Variants in CP observed in about 807,000 individuals in gnomAD.
The protein encoded by CP is ceruloplasmin.
CP carries 64 observed loss-of-function variants against 122.4 expected under a neutral mutation model. The ratio of observed to expected loss-of-function variants is 0.52; its 90% confidence interval spans 0.43 to 0.64. CP has a LOEUF of 0.64. Ranked by LOEUF, CP falls within the 30% of genes least tolerant of loss-of-function variation. CP has a pLI of 0.00. For synonymous variants in CP, 440 were observed against 436.4 expected (o/e 1.01, Z -0.10); for missense variants, 1,167 against 1,284.4 (o/e 0.91, Z 1.40).
chr3:149,221,167 A>T (rs571468461), intron 1 of CP, among the ~76,000 whole-genome samples: 5 of 152,330 alleles, frequency 3.3e-5, no homozygotes, highest in African/African-American at 9.6e-5. Flanking sequence ...GCTGTGAAAG[A>T]TTAACCTACT....
intron 11 of CP, chr3:149,186,142 A>G: frequency 3.3e-6 from 1 of 300,014 alleles, no homozygotes; most frequent in Non-Finnish European, 6.4e-6. Context: ...ACAAGCCAAC[A>G]CTACATCTAG....
chr3:149,201,675 C>T (rs924527957), intron 7 of CP, among the ~76,000 whole-genome samples: 1 of 152,134 alleles, frequency 6.6e-6, no homozygotes, highest in African/African-American at 2.4e-5. Flanking sequence ...ACTGCAACCT[C>T]CGCCTCCCGG....
At chr3:149,212,843 T>G (rs923972547) in intron 1 of CP, 145 bp from the exon 2 acceptor site, 32 of 958,756 alleles carry the variant, frequency 3.3e-5, no homozygotes, top group Non-Finnish European at 4.4e-5. Context: ...CCTCCAAAAT[T>G]GAAGTGGAGG....
chr3:149,188,152 A>C lies in CP; in HGVS notation c.1764T>G (p.Asn588Lys), dbSNP rs1726297019. Residue 588 changes from asparagine (N) to lysine (K), a missense_variant, in exon 10 of 19, where the codon AAT (asparagine) becomes AAG (lysine). Asn to Lys is a moderately conservative substitution (Grantham distance 94, BLOSUM62 0). Coordinates refer to ENST00000264613, the MANE Select transcript of CP (RefSeq NM_000096.4). ...FYLFPTVFDE[N>K]ESLLLEDNIR... Reference sequence around the variant, plus strand: ...TATTATCTTCCAGGAGTAAACTCTCATTCTCATCAAATACTGTAGGAAACA... The same window carrying C: ...TATTATCTTCCAGGAGTAAACTCTCCTTCTCATCAAATACTGTAGGAAACA... 1 of 1,612,818 alleles carries C rather than the reference A, an allele frequency of 6.2e-7. No individual in the cohort carries two copies. Among genetic ancestry groups the C allele is most frequent in the African/African-American group, 1.3e-5 (1 of 74,906 alleles).
chr3:149,172,318 T>TCACACACACACACA (rs113015797), downstream of CP: 4,180 of 571,462 alleles, frequency 7.3e-3, 30 homozygotes, highest in African/African-American at 0.031. Flanking sequence ...ATTTTATATA[T>TCACACACACACACA]CACACACACA....
At chr3:149,189,541 G>A (rs1336979347) in intron 9 of CP, among the ~76,000 whole-genome samples, 5 of 143,234 alleles carry the variant, frequency 3.5e-5, no homozygotes, top group Admixed American at 7.0e-5. Context: ...GTAACAGAGC[G>A]AGACTCTATC....
Position 149,176,213 on chromosome 3 carries a change from T to C in CP, c.3181+37A>G, listed in dbSNP as rs1277951330. The C allele has an allele frequency of 4.4e-6, 7 of 1,596,186 alleles. No individual in the cohort carries two copies. In the Admixed American group the frequency reaches 1.2e-4, roughly 27 times the overall value. ...AAGTAGTTCCTTTAGTTATATCTTT[T>C]ATATATGGCTTCTAGAATTACTACC... On this transcript the variant is annotated intron_variant, in intron 18 of 18. Transcript: ENST00000264613.
chr3:149,203,107 C>T (rs188647774), intron 6 of CP, among the ~76,000 whole-genome samples: 2,154 of 151,934 alleles, frequency 0.014, 48 homozygotes, highest in African/African-American at 0.048. Flanking sequence ...GGGGTTTCAC[C>T]GTGTTAGCCA....
intron 5 of CP, among the ~76,000 whole-genome samples, chr3:149,163,359 T>C (rs1724081620): frequency 6.6e-6 from 1 of 151,622 alleles, no homozygotes; most frequent in Non-Finnish European, 1.5e-5. Context: ...AACAACTCTT[T>C]CTACCCTTCT....
intron 2 of CP, among the ~76,000 whole-genome samples, chr3:149,211,694 A>G (rs1728109780): frequency 6.6e-6 from 1 of 152,238 alleles, no homozygotes; most frequent in Admixed American, 6.5e-5. Flanking sequence ...CAGAGTTTAT[A>G]TAAAGTTAGG....
chr3:149,181,713 T>C (rs1337351879), intron 14 of CP, among the ~76,000 whole-genome samples: 1 of 152,168 alleles, frequency 6.6e-6, no homozygotes, highest in Non-Finnish European at 1.5e-5. Context: ...GTAGATGCCA[T>C]TTGAGCTGTG....
chr3:149,184,049 TTTTTTTTG>T (rs1725981491), intron 12 of CP, among the ~76,000 whole-genome samples: 1 of 136,930 alleles, frequency 7.3e-6, no homozygotes, highest in African/African-American at 2.7e-5. Context: ...TTTTTTTTTT[TTTTTTTTG>T]AGGAGTCTTG....
At position 149,209,200 on chromosome 3, in the gene CP, T is replaced by C. The variant is rs1401869901; in HGVS notation, c.781+11A>G. The C allele has an allele frequency of 1.2e-6, 2 of 1,613,504 alleles. No individual in the cohort carries two copies. The highest frequency in any genetic ancestry group is 3.3e-5 in the Admixed American group (2 of 60,018). ...AAAAAAGTAAAGTTAACATGTCTGC[T>C]GTAATCTTACAATACATTCTGTTAC... is the stretch of plus-strand genomic sequence containing the variant. On this transcript the variant is annotated intron_variant, in intron 4 of 18. Coordinates refer to ENST00000264613, the MANE Select transcript of CP (RefSeq NM_000096.4).
Position 149,207,613 on chromosome 3 carries a change from C to A in CP, c.786G>T (p.Val262=), listed in dbSNP as rs142407918. 14 of 1,613,760 alleles carry A rather than the reference C, an allele frequency of 8.7e-6. No homozygotes were observed. The African/African-American group carries it at 1.9e-4, about 22-fold the overall frequency. The change falls in exon 5 of 19, where the codon GTG becomes GTT. Residue 262 remains valine (V), a synonymous_variant. Transcript: ENST00000264613. ...DFQESNRMYS[V]NGYTFGSLPG... Reference sequence around the variant, plus strand: ...GGAGACTTCCAAAAGTGTATCCATTCACAGCTGTAAGTCAAGAGCAGAGTT... The same window carrying A: ...GGAGACTTCCAAAAGTGTATCCATTAACAGCTGTAAGTCAAGAGCAGAGTT...
rs1394623313 is a variant in CP at position 149,212,578 on chromosome 3, C to G, written c.267G>C (p.Trp89Cys). ...TFRTTIEKPVWLGFLGPIIKA... is the reference protein window; with the variant it reads ...TFRTTIEKPVCLGFLGPIIKA... ...TGATAATAGGGCCTAAAAACCCAAG[C>G]CAGACCGGTTTTTCTATAGTTGTCC... The change falls in exon 2 of 19, where the codon TGG (tryptophan) becomes TGC (cysteine). Residue 89 changes from tryptophan to cysteine, a missense_variant. Trp to Cys is a radical substitution (Grantham distance 215). This residue lies in a region of CP where 642 missense variants were observed against 627.3 expected (regional missense o/e 1.02). Transcript: ENST00000264613. The G allele has an allele frequency of 3.7e-6, 6 of 1,614,002 alleles. No individual in the cohort carries two copies. The South Asian group carries it at 5.5e-5, about 15-fold the overall frequency.
chr3:149,207,190 T>C (rs1017815827), intron 5 of CP, among the ~76,000 whole-genome samples, 173 bp downstream of exon 5: 5 of 152,334 alleles, frequency 3.3e-5, no homozygotes, highest in Middle Eastern at 3.4e-3. Flanking sequence ...TACTTTATAA[T>C]ATTCCTGTCT....
At chr3:149,211,202 T>C (rs1342320925) in intron 2 of CP, among the ~76,000 whole-genome samples, 2 of 152,222 alleles carry the variant, frequency 1.3e-5, no homozygotes, top group African/African-American at 4.8e-5. Flanking sequence ...CAACTAATAA[T>C]GAATCAAATC....
At chr3:149,172,210 A>G, downstream of CP, 1 of 1,613,502 alleles carries the variant, frequency 6.2e-7, no homozygotes, top group Non-Finnish European at 8.5e-7. Flanking sequence ...GTCGAAAGAA[A>G]CCATTGACTT....
At chr3:149,164,129 ATGGT>A (rs1441028065) in intron 5 of CP, among the ~76,000 whole-genome samples, 1 of 152,128 alleles carries the variant, frequency 6.6e-6, no homozygotes, top group Non-Finnish European at 1.5e-5. Context: ...GAAACTGATG[ATGGT>A]TGGAACACCT....
Sources: gnomAD v4.1 joint callset for allele counts (sites outside exome capture counted in the v4.1 genomes callset) on GRCh38, gnomAD v4.1.1 for gene constraint, gnomAD v4.1.1 regional missense constraint, MANE v1.5 for transcripts, NCBI Gene and HGNC (gene_info 2026-07-23, HGNC 2026-07-21) for gene names.